LUZP2: variants seen among roughly 807,000 people sequenced by gnomAD.
The protein encoded by LUZP2 is leucine zipper protein 2.
LUZP2 carries 52 observed loss-of-function variants against 51.6 expected under a neutral mutation model. The ratio of observed to expected loss-of-function variants is 1.01; its 90% CI spans 0.81 to 1.27. The LOEUF is 1.27. Ranked by LOEUF, LUZP2 falls within the 50% of genes most tolerant of loss-of-function variation. The pLI is 0.00. For synonymous variants in LUZP2, 154 were observed against 137.3 expected, an observed-to-expected ratio of 1.12 and a Z score of -0.85; for missense variants, 436 against 395.4, an observed-to-expected ratio of 1.10 and a Z score of -0.87.
At chr11:24,796,783 T>A (rs548989700) in intron 5 of LUZP2, among the ~76,000 whole-genome samples, 12 of 152,146 alleles carry the variant, frequency 7.9e-5, no homozygotes, top group Admixed American at 1.3e-4. Flanking sequence ...ACACAAGTTT[T>A]TTTTGGTTTT....
intron 9 of LUZP2, 67 bp from the exon 10 acceptor site, chr11:25,049,971 T>C (rs1858440590): frequency 3.6e-6 from 3 of 841,048 alleles, no homozygotes; most frequent in Admixed American, 5.5e-5. Context: ...TTTGGATCTA[T>C]TTGTTCAAAC....
At chr11:24,542,595 A>G (rs1851406618) in intron 1 of LUZP2, among the ~76,000 whole-genome samples, 1 of 151,894 alleles carries the variant, frequency 6.6e-6, no homozygotes, top group Admixed American at 6.6e-5. Flanking sequence ...TAGATCTTTA[A>G]TTTTCATAAT....
At chr11:24,521,853 C>T (rs1399001807) in intron 1 of LUZP2, among the ~76,000 whole-genome samples, 1 of 151,972 alleles carries the variant, frequency 6.6e-6, no homozygotes, top group Non-Finnish European at 1.5e-5. Flanking sequence ...AGTCATAACA[C>T]ATGTTTATGG....
intron 1 of LUZP2, among the ~76,000 whole-genome samples, chr11:24,654,420 G>A (rs565360941): frequency 6.6e-6 from 1 of 150,974 alleles, no homozygotes. Context: ...TTGTTTGTTT[G>A]TTCATTTTGT....
At chr11:24,990,292 T>C (rs1384361987) in intron 9 of LUZP2, among the ~76,000 whole-genome samples, 2 of 152,096 alleles carry the variant, frequency 1.3e-5, no homozygotes. Flanking sequence ...TACAAACATG[T>C]ATTTTACAAT....
At chr11:24,509,274 A>G (rs897677606) in intron 1 of LUZP2, among the ~76,000 whole-genome samples, 3 of 152,092 alleles carry the variant, frequency 2.0e-5, no homozygotes, top group Admixed American at 6.6e-5. Context: ...TTTTCTTAGA[A>G]AGTCGTTTGG....
intron 5 of LUZP2, among the ~76,000 whole-genome samples, chr11:24,875,174 C>T (rs1852206066): frequency 1.3e-5 from 2 of 151,026 alleles, no homozygotes; most frequent in African/African-American, 4.9e-5. Context: ...CATATGTATA[C>T]ATGTGCCATG....
intron 6 of LUZP2, among the ~76,000 whole-genome samples, chr11:24,907,453 G>A (rs553376649): frequency 9.5e-4 from 144 of 152,032 alleles, no homozygotes; most frequent in African/African-American, 3.3e-3. Context: ...TGAAAAATTA[G>A]CCTAAATGGT....
chr11:24,776,714 T>C (rs1479629378), intron 5 of LUZP2, among the ~76,000 whole-genome samples: 3 of 152,184 alleles, frequency 2.0e-5, no homozygotes, highest in Non-Finnish European at 4.4e-5. Flanking sequence ...ACTCTTCATC[T>C]TTTATATTTA....
At chr11:25,065,036 A>G (rs1325003597) in intron 10 of LUZP2, among the ~76,000 whole-genome samples, 1 of 152,080 alleles carries the variant, frequency 6.6e-6, no homozygotes, top group South Asian at 2.1e-4. Context: ...CAGGCATAGT[A>G]AAAAAGAGAA....
chr11:24,783,252 C>T (rs569378804), intron 5 of LUZP2, among the ~76,000 whole-genome samples: 38 of 151,998 alleles, frequency 2.5e-4, no homozygotes, highest in Non-Finnish European at 4.7e-4. Context: ...TTACAGCTCT[C>T]ATATTTCCAT....
intron 7 of LUZP2, among the ~76,000 whole-genome samples, chr11:24,962,143 G>T (rs907801977): frequency 2.0e-5 from 3 of 152,166 alleles, no homozygotes; most frequent in African/African-American, 7.2e-5. Context: ...GCTTCCCTTT[G>T]TGGGTAACCC....
intron 5 of LUZP2, among the ~76,000 whole-genome samples, chr11:24,846,037 C>A (rs536302043): frequency 7.5e-4 from 114 of 151,886 alleles, no homozygotes; most frequent in African/African-American, 2.7e-3. Flanking sequence ...TCAGATGCAT[C>A]CATTCAACGC....
chr11:24,727,241 G>T (rs1237556957), intron 1 of LUZP2, among the ~76,000 whole-genome samples: 1 of 152,004 alleles, frequency 6.6e-6, no homozygotes, highest in Non-Finnish European at 1.5e-5. Context: ...GTTCTTGAAG[G>T]ACGCAATGAA....
At chr11:24,744,545 C>G (rs1859305948) in intron 4 of LUZP2, among the ~76,000 whole-genome samples, 1 of 152,016 alleles carries the variant, frequency 6.6e-6, no homozygotes, top group South Asian at 2.1e-4. Flanking sequence ...TCAGTGGTGT[C>G]AGTTGTAATA....
At chr11:24,673,729 A>T (rs1186991565) in intron 1 of LUZP2, among the ~76,000 whole-genome samples, 1 of 152,190 alleles carries the variant, frequency 6.6e-6, no homozygotes, top group Admixed American at 6.5e-5. Context: ...CTGCATCAAA[A>T]ATGATTTAGA....
chr11:24,670,797 T>G (rs1387315724), intron 1 of LUZP2, among the ~76,000 whole-genome samples: 4 of 151,962 alleles, frequency 2.6e-5, no homozygotes, highest in African/African-American at 9.7e-5. Flanking sequence ...AAGTTGGTAT[T>G]TAGATTTATA....
chr11:24,748,038 C>T (rs1859443153), intron 4 of LUZP2, among the ~76,000 whole-genome samples: 2 of 152,166 alleles, frequency 1.3e-5, no homozygotes, highest in African/African-American at 4.8e-5. Context: ...AGTCTGCAAG[C>T]TGGATTTGTA....
intron 10 of LUZP2, among the ~76,000 whole-genome samples, chr11:25,070,455 C>T (rs1859121293): frequency 6.6e-6 from 1 of 151,790 alleles, no homozygotes; most frequent in South Asian, 2.1e-4. Flanking sequence ...TTTCTATTAA[C>T]TCAAAGCCAA....
Sources: allele counts gnomAD v4.1 joint callset (sites outside exome capture counted in the v4.1 genomes callset), GRCh38; gene constraint gnomAD v4.1.1; transcripts MANE v1.5; gene names NCBI Gene and HGNC (gene_info 2026-07-23, HGNC 2026-07-21).